DOCK1: variants seen among roughly 807,000 people sequenced by gnomAD.
DOCK1 encodes dedicator of cytokinesis 1, also known as dedicator of cytokinesis protein 1.
DOCK1 carries 138 observed loss-of-function variants against 262.7 expected under a neutral mutation model. That is an observed-to-expected ratio of 0.53 (90% CI 0.46 to 0.61). DOCK1 has a LOEUF of 0.61. DOCK1 is among the 20% of genes least tolerant of loss of function. The probability of loss-of-function intolerance (pLI) is 0.00; values close to 1 mark genes in which losing one functional copy is unlikely to be tolerated. For missense variants in DOCK1, 1,908 were observed against 2,370.7 expected, an observed-to-expected ratio of 0.80 and a Z score of 4.05; for synonymous variants, 866 against 867.4, an observed-to-expected ratio of 1.00 and a Z score of 0.03.
At chr10:127,024,876 G>T in intron 15 of DOCK1, 93 bp downstream of exon 15, 1 of 1,135,340 alleles carries the variant, frequency 8.8e-7, no homozygotes, top group Non-Finnish European at 1.2e-6. Context: ...CCTCAGCCCG[G>T]GAGCTGCTCC....
intron 29 of DOCK1, among the ~76,000 whole-genome samples, chr10:127,303,470 G>GT (rs1243806994): frequency 1.3e-5 from 2 of 151,990 alleles, no homozygotes; most frequent in East Asian, 3.9e-4. Flanking sequence ...GCTCGATTTA[G>GT]TTTTATTACT....
At chr10:127,278,941 T>C (rs946031397) in intron 29 of DOCK1, among the ~76,000 whole-genome samples, 1 of 152,234 alleles carries the variant, frequency 6.6e-6, no homozygotes, top group African/African-American at 2.4e-5. Context: ...AATGCCAGCA[T>C]GATGTCCAGG....
chr10:127,414,435 T>C (rs1001652873), intron 43 of DOCK1, among the ~76,000 whole-genome samples: 15 of 152,228 alleles, frequency 9.9e-5, no homozygotes, highest in East Asian at 1.9e-4. Context: ...ATTGTATTTA[T>C]TGGGTTAGAA....
chr10:127,026,320 CA>C (rs1380735399), intron 15 of DOCK1, 31 bp from the exon 16 acceptor site: 1 of 1,543,610 alleles, frequency 6.5e-7, no homozygotes, highest in Non-Finnish European at 8.8e-7. Context: ...ATATTGATAA[CA>C]GTGCTTAAAC....
chr10:127,091,504 T>A (rs573998184), intron 23 of DOCK1, among the ~76,000 whole-genome samples: 1 of 152,128 alleles, frequency 6.6e-6, no homozygotes, highest in Admixed American at 6.5e-5. Flanking sequence ...GTGCTATCTT[T>A]CACGTTTTCA....
At chr10:127,212,149 A>G (rs774867311) in intron 27 of DOCK1, among the ~76,000 whole-genome samples, 1 of 152,136 alleles carries the variant, frequency 6.6e-6, no homozygotes, top group East Asian at 1.9e-4. Context: ...ATCCTCACGG[A>G]AGCAGAGTTA....
intron 11 of DOCK1, among the ~76,000 whole-genome samples, chr10:127,010,382 G>T (rs866381221): frequency 2.6e-5 from 4 of 152,138 alleles, no homozygotes; most frequent in Non-Finnish European, 5.9e-5. Flanking sequence ...CAGGAGAATC[G>T]CTTGAACCCG....
At chr10:127,346,274 G>C (rs2063630065) in intron 31 of DOCK1, among the ~76,000 whole-genome samples, 1 of 152,208 alleles carries the variant, frequency 6.6e-6, no homozygotes, top group African/African-American at 2.4e-5. Context: ...CTGTTGGTGT[G>C]AGCGTTAAGA....
At chr10:127,320,240 TA>T (rs201228026) in intron 29 of DOCK1, among the ~76,000 whole-genome samples, 2,503 of 150,264 alleles carry the variant, frequency 0.017, 58 homozygotes, top group Non-Finnish European at 0.02. Context: ...AAGGGGTCAT[TA>T]AAAAAAAAGA....
intron 38 of DOCK1, 90 bp from the exon 39 acceptor site, chr10:127,402,965 C>CTTTTTATTT: frequency 8.7e-7 from 1 of 1,148,734 alleles, no homozygotes; most frequent in East Asian, 2.6e-5. Flanking sequence ...TACTTCTACA[C>CTTTTTATTT]TGTTTTATTT....
Position 127,381,375 on chromosome 10 carries a change from T to C in DOCK1, c.3807+7T>C. ...CCATGCAAAGCTTCTTAAGGTAATG[T>C]CAATTACCAGTCACCTTGATGATTC... On this transcript the variant is annotated splice_region_variant and intron_variant, in intron 37 of 51. Coordinates refer to ENST00000623213, the MANE Select transcript of DOCK1 (RefSeq NM_001290223.2). 1.2e-6 allele frequency: 2 copies of C among 1,601,732 alleles called. No homozygotes were observed. Among genetic ancestry groups the C allele is most frequent in the Non-Finnish European group, 1.7e-6 (2 of 1,171,126 alleles).
intron 29 of DOCK1, among the ~76,000 whole-genome samples, chr10:127,329,039 A>G (rs11017346): frequency 0.048 from 7,370 of 152,232 alleles, 212 homozygotes; most frequent in Non-Finnish European, 0.072. Flanking sequence ...ATTCAATGGC[A>G]TAATTACATC....
chr10:127,377,304 G>A (rs557647881), intron 35 of DOCK1, among the ~76,000 whole-genome samples: 4 of 152,058 alleles, frequency 2.6e-5, no homozygotes, highest in Admixed American at 6.5e-5. Flanking sequence ...TTTTCTCCTG[G>A]TACTTTTATT....
At chr10:126,985,659 C>T (rs2039328850) in intron 4 of DOCK1, among the ~76,000 whole-genome samples, 1 of 152,162 alleles carries the variant, frequency 6.6e-6, no homozygotes, top group Non-Finnish European at 1.5e-5. Flanking sequence ...GTCGTTGTTG[C>T]AGATCCTCAT....
intron 22 of DOCK1, among the ~76,000 whole-genome samples, chr10:127,061,314 A>G (rs1445326547): frequency 6.6e-6 from 1 of 152,186 alleles, no homozygotes; most frequent in Non-Finnish European, 1.5e-5. Flanking sequence ...GGGTAGAAAT[A>G]AAGCTGAATT....
chr10:127,057,009 G>T (rs2135781058), intron 22 of DOCK1, among the ~76,000 whole-genome samples: 1 of 151,840 alleles, frequency 6.6e-6, no homozygotes, highest in South Asian at 2.1e-4. Flanking sequence ...CAGCATGTCA[G>T]TTGTTACTTC....
chr10:127,166,501 A>T (rs1361107735), intron 27 of DOCK1, among the ~76,000 whole-genome samples: 2 of 152,182 alleles, frequency 1.3e-5, no homozygotes, highest in African/African-American at 4.8e-5. Context: ...GACCTTGGAG[A>T]AGGTACTGAG....
intron 29 of DOCK1, among the ~76,000 whole-genome samples, chr10:127,304,884 A>G (rs2061817379): frequency 6.6e-6 from 1 of 152,200 alleles, no homozygotes. Context: ...TTTGTCTGAA[A>G]AAAAACAAAA....
intron 6 of DOCK1, among the ~76,000 whole-genome samples, chr10:126,994,065 G>A (rs1316456645): frequency 6.6e-6 from 1 of 151,966 alleles, no homozygotes; most frequent in Non-Finnish European, 1.5e-5. Context: ...TGTTTCCATC[G>A]GCTTGTTAAT....
Sources: allele counts gnomAD v4.1 joint callset (sites outside exome capture counted in the v4.1 genomes callset), GRCh38; gene constraint gnomAD v4.1.1; transcripts MANE v1.5; gene names NCBI Gene and HGNC (gene_info 2026-07-23, HGNC 2026-07-21).